The following GIMAP8 variants were observed in gnomAD, a reference collection of about 807,000 sequenced individuals.
GIMAP8 encodes GTPase IMAP family member 8.
A neutral mutation model predicts 35.6 loss-of-function variants in GIMAP8; 29 were observed. The observed-to-expected ratio is 0.81, with a 90% CI of 0.61 to 1.11. The LOEUF is 1.11. GIMAP8 is among the 50% of genes most tolerant of loss of function. GIMAP8 has a pLI of 0.00. For synonymous variants in GIMAP8, 335 were observed against 308.7 expected, an observed-to-expected ratio of 1.09 and a Z score of -0.89; for missense variants, 811 against 805.0, an observed-to-expected ratio of 1.01 and a Z score of -0.09.
chr7:150,467,699 G>A (rs893544766), intron 2 of GIMAP8, among the ~76,000 whole-genome samples: 5 of 151,956 alleles, frequency 3.3e-5, no homozygotes, highest in Admixed American at 6.6e-5. Context: ...TCCAAAGATC[G>A]CTGAGTCCTT....
intron 2 of GIMAP8, among the ~76,000 whole-genome samples, chr7:150,467,764 C>T (rs1409420260): frequency 1.3e-5 from 2 of 152,096 alleles, no homozygotes; most frequent in Non-Finnish European, 2.9e-5. Flanking sequence ...TCTGGCCTTC[C>T]TCAATTCTTT....
intron 2 of GIMAP8, among the ~76,000 whole-genome samples, chr7:150,470,603 G>A (rs1163255307): frequency 6.6e-6 from 1 of 152,034 alleles, no homozygotes; most frequent in African/African-American, 2.4e-5. Flanking sequence ...CCTTCTCCGA[G>A]AACCAGTCCT....
intron 1 of GIMAP8, among the ~76,000 whole-genome samples, chr7:150,452,679 T>G (rs985086453): frequency 1.5e-4 from 7 of 45,602 alleles, no homozygotes; most frequent in South Asian, 6.1e-4. Context: ...GTGTGAGATA[T>G]ATATATATAT....
chr7:150,457,755 C>T (rs184178861), intron 1 of GIMAP8, among the ~76,000 whole-genome samples: 1 of 152,310 alleles, frequency 6.6e-6, no homozygotes, highest in East Asian at 1.9e-4. Flanking sequence ...TGAAAACATT[C>T]GTGAAATACT....
Position 150,474,301 on chromosome 7 carries a change from C to G in GIMAP8, c.972C>G (p.Pro324=), listed in dbSNP as rs1802171571. ...TTAGAAAACACATCTGTACAGGCCC[C>G]CATGCCTTCCTGCTGGTGACACCAC... ...SEVRKHICTG[P]HAFLLVTPLG... is the part of the protein sequence containing the mutation. Residue 324 remains proline, a synonymous_variant, in exon 4 of 5, where the codon CCC becomes CCG. Transcript: ENST00000307271. The G allele has an allele frequency of 6.2e-7, 1 of 1,613,976 alleles. No homozygotes were observed. The highest frequency in any genetic ancestry group is 1.7e-5 in the Admixed American group (1 of 60,014).
At chr7:150,464,900 G>A (rs969478689) in intron 1 of GIMAP8, among the ~76,000 whole-genome samples, 5 of 152,314 alleles carry the variant, frequency 3.3e-5, no homozygotes, top group Admixed American at 3.3e-4. Flanking sequence ...ATGAGTGTAA[G>A]CACATTGTGA....
In GIMAP8 at chr7:150,457,375, AT is replaced by A. The variant is rs369021805; in HGVS notation, c.-29+6201del. On this transcript the variant is annotated intron_variant, in intron 1 of 4. Coordinates refer to ENST00000307271, the MANE Select transcript of GIMAP8 (RefSeq NM_175571.4). ...ATGAGCATGTCACAGTGCTGCAGAGATCTTGTTTATGGCCAGTTTCTCATGG... is the reference window on the plus strand; with the variant it reads ...ATGAGCATGTCACAGTGCTGCAGAGACTTGTTTATGGCCAGTTTCTCATGG... Among the ~76,000 whole-genome samples, 917 of 152,322 alleles carry A rather than the reference AT, an allele frequency of 6.0e-3. 8 individuals carry two copies. Among genetic ancestry groups the A allele is most frequent in the African/African-American group, 0.021 (870 of 41,560 alleles).
chr7:150,456,489 T>C (rs1801732535), intron 1 of GIMAP8, among the ~76,000 whole-genome samples: 1 of 152,190 alleles, frequency 6.6e-6, no homozygotes, highest in Non-Finnish European at 1.5e-5. Flanking sequence ...CCTGTCTCCT[T>C]CTCACTCTGA....
At chr7:150,453,939 G>A (rs1019897321) in intron 1 of GIMAP8, among the ~76,000 whole-genome samples, 3 of 151,956 alleles carry the variant, frequency 2.0e-5, no homozygotes, top group African/African-American at 4.8e-5. Flanking sequence ...TGGGGTGGGG[G>A]TGTCAGTGGG....
intron 3 of GIMAP8, 107 bp downstream of exon 3, chr7:150,470,981 C>A: frequency 5.0e-6 from 4 of 795,916 alleles, no homozygotes; most frequent in Non-Finnish European, 6.3e-6. Flanking sequence ...GAAAATTCAC[C>A]CTGGGGACCT....
intron 1 of GIMAP8, among the ~76,000 whole-genome samples, chr7:150,452,231 T>C (rs567567755): frequency 2.6e-5 from 4 of 152,234 alleles, no homozygotes; most frequent in African/African-American, 9.6e-5. Context: ...TACCTTTTTG[T>C]CCTTAAGTGC....
In GIMAP8 at chr7:150,477,702, C is replaced by T. The variant is rs1334095381; in HGVS notation, c.1920C>T (p.Val640=). The change falls in exon 5 of 5, where the codon GTC becomes GTT. Residue 640 remains valine, a synonymous_variant. Transcript: ENST00000307271. ...WSGYPHTQEN[V]SKLIKNVQEM... ...GGTATCCCCATACACAGGAGAACGT[C>T]AGCAAACTAATTAAAAATGTCCAGG... 6.2e-7 allele frequency: 1 copy of T among 1,614,106 alleles called. No individual in the cohort carries two copies. The highest frequency in any genetic ancestry group is 1.1e-5 in the South Asian group (1 of 91,076).
At chr7:150,460,840 G>A (rs116484133) in intron 1 of GIMAP8, among the ~76,000 whole-genome samples, 2,536 of 152,290 alleles carry the variant, frequency 0.017, 57 homozygotes, top group African/African-American at 0.046. Flanking sequence ...TTGGATGATG[G>A]AGTCCTTCCG....
chr7:150,473,621 C>T (rs1365017813), intron 3 of GIMAP8, among the ~76,000 whole-genome samples: 2 of 150,640 alleles, frequency 1.3e-5, no homozygotes, highest in African/African-American at 2.4e-5. Context: ...GATTTTATAC[C>T]ACCAAGGGGC....
chr7:150,475,416 C>T (rs973988421), intron 4 of GIMAP8, among the ~76,000 whole-genome samples: 1 of 152,160 alleles, frequency 6.6e-6, no homozygotes, highest in Non-Finnish European at 1.5e-5. Context: ...TTCTCTTGAA[C>T]CGGTCTTTAA....
At chr7:150,475,198 G>C (rs1274780989) in intron 4 of GIMAP8, among the ~76,000 whole-genome samples, 1 of 152,158 alleles carries the variant, frequency 6.6e-6, no homozygotes, top group Admixed American at 6.5e-5. Flanking sequence ...CTATGTTACT[G>C]CAAAAGACAG....
chr7:150,467,002 G>A lies in GIMAP8; in HGVS notation c.304G>A (p.Ala102Thr). The change falls in exon 2 of 5, where the codon GCC (alanine) becomes ACC (threonine). Residue 102 changes from alanine to threonine, a missense_variant. Physicochemically the swap from Ala to Thr is moderately conservative, Grantham distance 58 (BLOSUM62 0). Transcript: ENST00000307271. ...PSLHALLLVI[A>T]IGHFTREDEE... ...CCTCCATGCTCTGCTCTTGGTAATT[G>A]CCATCGGCCATTTCACAAGGGAGGA... The A allele has an allele frequency of 1.9e-6, 3 of 1,614,206 alleles. No homozygotes were observed. The highest frequency in any genetic ancestry group is 8.5e-7 in the Non-Finnish European group (1 of 1,180,040).
In GIMAP8 at chr7:150,452,709, T is replaced by TATATATAC. The variant is rs1373884339; in HGVS notation, c.-29+1535_-29+1536insTATATACA. Among the ~76,000 whole-genome samples the TATATATAC allele has an allele frequency of 4.1e-3, 432 of 106,530 alleles. 7 individuals carry two copies. The highest frequency in any genetic ancestry group is 0.016 in the Admixed American group (141 of 8,562). 69.9% of individuals were successfully genotyped at this position (106,530 alleles called of 152,430 possible). ...ATATATATATATATATATATATATA[T>TATATATAC]ACATGCGAGTGGAACTACAGGCACC... On this transcript the variant is annotated intron_variant, in intron 1 of 4. Transcript: ENST00000307271.
At chr7:150,460,523 T>G (rs1801820813) in intron 1 of GIMAP8, among the ~76,000 whole-genome samples, 2 of 152,260 alleles carry the variant, frequency 1.3e-5, no homozygotes, top group Non-Finnish European at 2.9e-5. Context: ...TACTTAAAGT[T>G]CTGCCCATTG....
Sources: gnomAD v4.1 joint callset for allele counts (sites outside exome capture counted in the v4.1 genomes callset) on GRCh38, gnomAD v4.1.1 for gene constraint, MANE v1.5 for transcripts, NCBI Gene and HGNC (gene_info 2026-07-23, HGNC 2026-07-21) for gene names.